Variants in CPA6 observed in about 807,000 individuals in gnomAD.
CPA6 encodes the protein carboxypeptidase A6.
In CPA6, 58 loss-of-function variants were observed where a neutral mutation model predicts 63.3. The ratio of observed to expected loss-of-function variants is 0.92; its 90% CI spans 0.74 to 1.14. CPA6 has a LOEUF of 1.14. CPA6 is among the 50% of genes most tolerant of loss of function. The pLI is 0.00. For missense variants in CPA6, 565 were observed against 526.6 expected, an observed-to-expected ratio of 1.07 and a Z score of -0.71; for synonymous variants, 185 against 179.0, an observed-to-expected ratio of 1.03 and a Z score of -0.27.
chr8:67,436,757 G>A (rs1187790769), intron 8 of CPA6, among the ~76,000 whole-genome samples: 1 of 152,170 alleles, frequency 6.6e-6, no homozygotes, highest in Non-Finnish European at 1.5e-5. Flanking sequence ...CAATCACAAA[G>A]TATTATGGTT....
At chr8:67,632,391 T>C (rs985835543) in intron 1 of CPA6, among the ~76,000 whole-genome samples, 2 of 152,134 alleles carry the variant, frequency 1.3e-5, no homozygotes, top group South Asian at 2.1e-4. Flanking sequence ...CAGGCTACTC[T>C]CAAACTCCTG....
intron 10 of CPA6, among the ~76,000 whole-genome samples, chr8:67,426,975 C>A (rs915036051): frequency 6.6e-6 from 1 of 152,190 alleles, no homozygotes; most frequent in Non-Finnish European, 1.5e-5. Context: ...TGTCGAAGTT[C>A]TTGCCATATA....
intron 2 of CPA6, among the ~76,000 whole-genome samples, chr8:67,605,825 G>T (rs1814621864): frequency 6.6e-6 from 1 of 152,098 alleles, no homozygotes; most frequent in Non-Finnish European, 1.5e-5. Context: ...GTGATTTGAA[G>T]ACCAGGCCTT....
chr8:67,693,484 A>G (rs2128997613), intron 1 of CPA6, among the ~76,000 whole-genome samples: 1 of 152,286 alleles, frequency 6.6e-6, no homozygotes, highest in East Asian at 1.9e-4. Flanking sequence ...CCATAAACTG[A>G]ATGTTTTTGT....
chr8:67,497,658 C>A (rs961423899), intron 6 of CPA6, among the ~76,000 whole-genome samples: 2 of 151,804 alleles, frequency 1.3e-5, no homozygotes, highest in African/African-American at 4.8e-5. Flanking sequence ...AACTGCCATA[C>A]TGTTTTCAAC....
intron 3 of CPA6, among the ~76,000 whole-genome samples, chr8:67,514,154 C>T (rs1812097227): frequency 6.6e-6 from 1 of 152,012 alleles, no homozygotes; most frequent in African/African-American, 2.4e-5. Flanking sequence ...GACCGGGTTT[C>T]ACCATGTTGG....
At chr8:67,475,814 T>TTTCC (rs1491498254) in intron 8 of CPA6, among the ~76,000 whole-genome samples, 1 of 59,890 alleles carries the variant, frequency 1.7e-5, no homozygotes, top group African/African-American at 1.0e-4. Context: ...TCTTTCTTTC[T>TTTCC]TTCCTTTCTT....
chr8:67,466,421 T>C (rs1439031073), intron 8 of CPA6, among the ~76,000 whole-genome samples: 10 of 152,160 alleles, frequency 6.6e-5, no homozygotes, highest in Non-Finnish European at 2.9e-5. Context: ...TTTTTTGTTT[T>C]GCTTGTTGTT....
At chr8:67,582,710 T>A (rs960219045) in intron 2 of CPA6, among the ~76,000 whole-genome samples, 1 of 148,642 alleles carries the variant, frequency 6.7e-6, no homozygotes, top group African/African-American at 2.6e-5. Flanking sequence ...GTCATTAGCA[T>A]TATTATAGTT....
chr8:67,590,943 C>G (rs1374780543), intron 2 of CPA6, among the ~76,000 whole-genome samples: 6 of 152,248 alleles, frequency 3.9e-5, no homozygotes, highest in African/African-American at 7.2e-5. Context: ...TGGTGTTTTA[C>G]ACATGAAGTC....
At chr8:67,460,839 A>G (rs1810783027) in intron 8 of CPA6, among the ~76,000 whole-genome samples, 1 of 152,144 alleles carries the variant, frequency 6.6e-6, no homozygotes, top group Non-Finnish European at 1.5e-5. Context: ...CTTTCCCTCA[A>G]TCTGTTTCAC....
intron 1 of CPA6, among the ~76,000 whole-genome samples, chr8:67,632,087 A>G (rs1387217915): frequency 2.0e-5 from 3 of 152,170 alleles, no homozygotes; most frequent in Admixed American, 2.0e-4. Context: ...TCAGAGTTTT[A>G]TAACTGTATT....
intron 5 of CPA6, among the ~76,000 whole-genome samples, chr8:67,508,779 G>A (rs893291651): frequency 9.2e-5 from 14 of 152,194 alleles, no homozygotes; most frequent in Non-Finnish European, 1.9e-4. Context: ...AGAAAGAATA[G>A]AGAGCTATAG....
chr8:67,617,768 G>A (rs1043745707), intron 2 of CPA6, among the ~76,000 whole-genome samples: 8 of 152,226 alleles, frequency 5.3e-5, no homozygotes, highest in African/African-American at 9.7e-5. Flanking sequence ...CAGTTGGGCT[G>A]TAGTTTCATT....
intron 1 of CPA6, among the ~76,000 whole-genome samples, chr8:67,681,200 C>CTTTTTTTTGTTTTTTTTTTTTTTTTT (rs1816586537): frequency 1.1e-5 from 1 of 89,896 alleles, no homozygotes; most frequent in African/African-American, 6.2e-5. Flanking sequence ...CAAAGATTTT[C>CTTTTTTTTGTTTTTTTTTTTTTTTTT]TTTTTTTTTT....
chr8:67,586,811 T>C (rs1362514104), intron 2 of CPA6, among the ~76,000 whole-genome samples: 1 of 152,114 alleles, frequency 6.6e-6, no homozygotes, highest in Admixed American at 6.5e-5. Context: ...TAATGAGAAG[T>C]TGGATGAGTT....
chr8:67,594,729 A>G (rs977687713), intron 2 of CPA6, among the ~76,000 whole-genome samples: 6 of 152,188 alleles, frequency 3.9e-5, no homozygotes, highest in Admixed American at 1.3e-4. Context: ...TTTCAGCTCC[A>G]TCAGCTCCTT....
chr8:67,605,531 C>CTTTTTTTTTTTTTTTTTTTTGTTT (rs68153641), intron 2 of CPA6, among the ~76,000 whole-genome samples: 2 of 125,268 alleles, frequency 1.6e-5, no homozygotes, highest in Non-Finnish European at 3.3e-5. Flanking sequence ...TATTGTATTG[C>CTTTTTTTTTTTTTTTTTTTTGTTT]TTTTTTTTTT....
At chr8:67,650,311 T>C (rs1177535305) in intron 1 of CPA6, among the ~76,000 whole-genome samples, 2 of 152,094 alleles carry the variant, frequency 1.3e-5, no homozygotes, top group Non-Finnish European at 2.9e-5. Context: ...AAATTATTTG[T>C]ATATAAACGA....
Sources: allele counts gnomAD v4.1 joint callset (sites outside exome capture counted in the v4.1 genomes callset), GRCh38; gene constraint gnomAD v4.1.1; transcripts MANE v1.5; gene names NCBI Gene and HGNC (gene_info 2026-07-23, HGNC 2026-07-21).